Variants in AMZ1 observed in about 807,000 individuals in gnomAD.
AMZ1 encodes the protein archaemetzincin-1.
AMZ1 carries 39 observed loss-of-function variants against 29.9 expected under a neutral mutation model. That is an observed-to-expected ratio of 1.30 (90% CI 1.01 to 1.70). The LOEUF is 1.70. AMZ1 is among the 40% of genes most tolerant of loss of function. The pLI, the probability that AMZ1 is intolerant of heterozygous loss-of-function variation, is 0.00. For missense variants in AMZ1, 1,041 were observed against 680.6 expected (o/e 1.53, Z -5.89); for synonymous variants, 458 against 304.0 (o/e 1.51, Z -5.27).
intron 1 of AMZ1, among the ~76,000 whole-genome samples, chr7:2,699,416 C>T (rs969616005): frequency 6.6e-6 from 1 of 152,206 alleles, no homozygotes; most frequent in Non-Finnish European, 1.5e-5. Context: ...CCACTTCTCC[C>T]TGTTTCTAGC....
chr7:2,709,496 G>C, intron 5 of AMZ1, 144 bp from the exon 6 acceptor site: 1 of 1,309,966 alleles, frequency 7.6e-7, no homozygotes, highest in Non-Finnish European at 1.0e-6. Flanking sequence ...TGTGCCGCCT[G>C]GGGCAGGGGG....
chr7:2,737,723 G>A (rs1044371917), intron 4 of AMZ1, among the ~76,000 whole-genome samples: 1 of 152,172 alleles, frequency 6.6e-6, no homozygotes, highest in African/African-American at 2.4e-5. Flanking sequence ...ACTTCAACGT[G>A]ACAAATTACA....
At chr7:2,712,194 C>T in intron 6 of AMZ1, 136 bp from the exon 7 acceptor site, 4 of 944,434 alleles carry the variant, frequency 4.2e-6, no homozygotes, top group Non-Finnish European at 6.1e-6. Flanking sequence ...CAAGAGCCCT[C>T]ACACCACCAG....
rs941270588 is a variant in AMZ1 at position 2,715,711 on chromosome 7, G to A, written c.*2833G>A. 3 of 152,224 alleles carry A rather than the reference G, an allele frequency of 2.0e-5. No homozygotes were observed. Among genetic ancestry groups the A allele is most frequent in the African/African-American group, 7.2e-5 (3 of 41,446 alleles). The allele number at this position is 152,224 out of a possible 1,614,324, so 9.4% of individuals were successfully genotyped here. On this transcript the variant is annotated 3_prime_UTR_variant, in exon 7 of 7. Coordinates refer to ENST00000683327, the MANE Select transcript of AMZ1 (RefSeq NM_001384743.1). ...AATTGGTTTCCCTCCTCTCCCCCGT[G>A]TTAGCCCCAGGTTCTGTCTGTGCTG...
At chr7:2,709,011 G>A in intron 4 of AMZ1, 64 bp from the exon 5 acceptor site, 1 of 1,501,490 alleles carries the variant, frequency 6.7e-7, no homozygotes, top group Non-Finnish European at 8.9e-7. Context: ...AGGTGGGTTT[G>A]ACGGTGGGCC....
rs1421592173 is a variant in AMZ1 at position 2,713,693 on chromosome 7, G to A, written c.*815G>A. 6.6e-6 allele frequency: 1 copy of A among 152,544 alleles called. No individual in the cohort carries two copies. The highest frequency in any genetic ancestry group is 1.5e-5 in the Non-Finnish European group (1 of 68,190). The allele number at this position is 152,544 out of a possible 1,614,324, so 9.4% of individuals were successfully genotyped here. On this transcript the variant is annotated 3_prime_UTR_variant, in exon 7 of 7. Coordinates refer to ENST00000683327, the MANE Select transcript of AMZ1 (RefSeq NM_001384743.1). The stretch of plus-strand genomic sequence containing the variant: ...CGCTAACAGCATCCTGATCCTGACG[G>A]ACTTCACCGGGGCTCTCCAGGCATC...
intron 1 of AMZ1, among the ~76,000 whole-genome samples, chr7:2,693,974 CTG>C (rs1787557742): frequency 6.6e-6 from 1 of 152,222 alleles, no homozygotes; most frequent in Admixed American, 6.5e-5. Context: ...CCAGGGACCT[CTG>C]TTTTGTCCAC....
At chr7:2,733,754 G>T (rs1046729729) in intron 4 of AMZ1, among the ~76,000 whole-genome samples, 1 of 152,260 alleles carries the variant, frequency 6.6e-6, no homozygotes, top group Non-Finnish European at 1.5e-5. Context: ...TCGCTGCTGG[G>T]TTTTGGTGTG....
chr7:2,717,683 C>T lies in AMZ1; in HGVS notation c.*4805C>T, dbSNP rs979119742. Among the ~76,000 whole-genome samples the T allele has an allele frequency of 3.3e-5, 5 of 152,146 alleles. No individual in the cohort carries two copies. Among genetic ancestry groups the T allele is most frequent in the Non-Finnish European group, 7.3e-5 (5 of 68,040 alleles). On this transcript the variant is annotated 3_prime_UTR_variant, in exon 7 of 7. Coordinates refer to ENST00000683327, the MANE Select transcript of AMZ1 (RefSeq NM_001384743.1). ...ACTGTAAAGAGCCCTGGCCTGCGAA[C>T]GCTGTTAAAAACAGATGCAGATCGC...
At chr7:2,740,870 C>G (rs371884822) in intron 4 of AMZ1, among the ~76,000 whole-genome samples, 2 of 152,188 alleles carry the variant, frequency 1.3e-5, no homozygotes, top group East Asian at 1.9e-4. Flanking sequence ...TGGTGAAACC[C>G]TGCCTCTACT....
At position 2,708,632 on chromosome 7, in the gene AMZ1, C is replaced by CTG. The variant is rs772394941; in HGVS notation, c.524_525dup (p.Leu176CysfsTer53). ...GAAGAACAACAAGCCAGGGGACGCGCTGTGTGTGCTGGGCCTCACACTGTC... is the reference window on the plus strand; with the variant it reads ...GAAGAACAACAAGCCAGGGGACGCGCTGTGTGTGTGCTGGGCCTCACACTGTC... On this transcript the variant is annotated frameshift_variant, in exon 4 of 7. Coordinates refer to ENST00000683327, the MANE Select transcript of AMZ1 (RefSeq NM_001384743.1). LOFTEE classifies it high-confidence loss of function. 1.9e-6 allele frequency: 3 copies of CTG among 1,613,206 alleles called. No homozygotes were observed. Among genetic ancestry groups the CTG allele is most frequent in the East Asian group, 4.5e-5 (2 of 44,886 alleles).
At chr7:2,696,226 A>C (rs1787712907) in intron 1 of AMZ1, among the ~76,000 whole-genome samples, 1 of 151,020 alleles carries the variant, frequency 6.6e-6, no homozygotes, top group African/African-American at 2.4e-5. Flanking sequence ...CCCTGCCTGG[A>C]ACACAGTGCG....
At chr7:2,694,775 C>T (rs867408732) in intron 1 of AMZ1, among the ~76,000 whole-genome samples, 4 of 151,860 alleles carry the variant, frequency 2.6e-5, no homozygotes, top group South Asian at 2.1e-4. Flanking sequence ...TGGATTCAAG[C>T]GATTCTCCTG....
intron 4 of AMZ1, 147 bp downstream of exon 4, chr7:2,708,863 C>A (rs750685409): frequency 1.5e-6 from 2 of 1,366,004 alleles, no homozygotes; most frequent in Non-Finnish European, 2.0e-6. Flanking sequence ...ATGGCCCCTT[C>A]CAGCTCCTCC....
chr7:2,755,340 T>G (rs1209067858), intron 4 of AMZ1, among the ~76,000 whole-genome samples: 1 of 152,364 alleles, frequency 6.6e-6, no homozygotes, highest in Non-Finnish European at 1.5e-5. Context: ...TGTGTATCAA[T>G]CAGGGGAGAA....
At position 2,737,274 on chromosome 7, in the gene AMZ1, G is replaced by GTTTTGTTTTGTT. The variant is rs1790242698; in HGVS notation, n.551-27434_551-27433insGTTTTGTTTTTT. On this transcript the variant is annotated intron_variant and non_coding_transcript_variant, in intron 4 of 4. Coordinates refer to the AMZ1 transcript ENST00000489665. ...AGGAGCTATCTCACAGTTTTGTTTTGTTTTTTTTTTTTTTGTTTTTTTTTT... is the reference window on the plus strand; with the variant it reads ...AGGAGCTATCTCACAGTTTTGTTTTGTTTTGTTTTGTTTTTTTTTTTTTTTTGTTTTTTTTTT... Among the ~76,000 whole-genome samples, 48 of 35,038 alleles carry GTTTTGTTTTGTT rather than the reference G, an allele frequency of 1.4e-3. 1 individual carries two copies. Among genetic ancestry groups the GTTTTGTTTTGTT allele is most frequent in the African/African-American group, 4.7e-3 (48 of 10,136 alleles). 23.0% of individuals were successfully genotyped at this position (35,038 alleles called of 152,430 possible).
rs1789248585 is a variant in AMZ1 at position 2,718,312 on chromosome 7, T to A, written c.*5434T>A. On this transcript the variant is annotated 3_prime_UTR_variant, in exon 7 of 7. Coordinates refer to ENST00000683327, the MANE Select transcript of AMZ1 (RefSeq NM_001384743.1). ...AGGCAGGGTGCTCTGCCCGCCACAG[T>A]GTGCCTGGTTTTCTGGATACAGCAT... Among the ~76,000 whole-genome samples, 1 of 152,142 alleles carries A rather than the reference T, an allele frequency of 6.6e-6. No homozygotes were observed. Among genetic ancestry groups the A allele is most frequent in the Non-Finnish European group, 1.5e-5 (1 of 68,034 alleles).
chr7:2,717,597 T>G lies in AMZ1; in HGVS notation c.*4719T>G, dbSNP rs1045920239. On this transcript the variant is annotated 3_prime_UTR_variant, in exon 7 of 7. Transcript: ENST00000683327. ...AAAGCAGCAGCAAATTTATGGCTCT[T>G]GGAACACGAGGCTGTCAAAGATAAA... 2.6e-5 allele frequency among the ~76,000 whole-genome samples: 4 copies of G among 152,124 alleles called. No homozygotes were observed. The highest frequency in any genetic ancestry group is 7.2e-5 in the African/African-American group (3 of 41,416).
intron 1 of AMZ1, among the ~76,000 whole-genome samples, chr7:2,692,270 G>A (rs914512153): frequency 2.3e-4 from 35 of 152,290 alleles, no homozygotes; most frequent in South Asian, 6.2e-4. Context: ...GCCGGGCGTG[G>A]TGGCTCACGC....
Sources: gnomAD v4.1 joint callset for allele counts (sites outside exome capture counted in the v4.1 genomes callset) on GRCh38, gnomAD v4.1.1 for gene constraint, MANE v1.5 for transcripts, NCBI Gene and HGNC (gene_info 2026-07-23, HGNC 2026-07-21) for gene names.